NAALADL2: variants seen among roughly 807,000 people sequenced by gnomAD.
The protein encoded by NAALADL2 is N-acetylated alpha-linked acidic dipeptidase like 2, also known as inactive N-acetylated-alpha-linked acidic dipeptidase-like protein 2.
In NAALADL2, 76 loss-of-function variants were observed where a neutral mutation model predicts 87.2. That is an observed-to-expected ratio of 0.87 (90% CI 0.72 to 1.05). The LOEUF (loss-of-function observed/expected upper bound fraction) is 1.05. NAALADL2 is among the 50% of genes least tolerant of loss of function. The pLI, the probability that NAALADL2 is intolerant of heterozygous loss-of-function variation, is 0.00. For missense variants in NAALADL2, 1,089 were observed against 945.8 expected (o/e 1.15, Z -1.99); for synonymous variants, 354 against 331.0 (o/e 1.07, Z -0.75).
intron 4 of NAALADL2, among the ~76,000 whole-genome samples, chr3:175,281,998 T>C (rs1467746942): frequency 6.6e-6 from 1 of 152,012 alleles, no homozygotes; most frequent in Admixed American, 6.6e-5. Context: ...TATTTGCATC[T>C]CTACATGATG....
chr3:174,588,186 G>A (rs535039044), intron 2 of NAALADL2, among the ~76,000 whole-genome samples: 15 of 152,048 alleles, frequency 9.9e-5, no homozygotes, highest in African/African-American at 3.4e-4. Context: ...TTATGCATGC[G>A]TCACGTAGTT....
chr3:175,422,983 A>T (rs1715969078), intron 5 of NAALADL2, among the ~76,000 whole-genome samples: 1 of 139,030 alleles, frequency 7.2e-6, no homozygotes. Context: ...TTCCTTGATG[A>T]TTGCATTTCA....
At chr3:174,775,073 T>C (rs1715041485) in intron 3 of NAALADL2, among the ~76,000 whole-genome samples, 2 of 151,968 alleles carry the variant, frequency 1.3e-5, no homozygotes, top group South Asian at 4.2e-4. Context: ...TTTAGAAAAA[T>C]AGGAAAGTAT....
chr3:175,123,218 A>G (rs1726409832), intron 2 of NAALADL2, among the ~76,000 whole-genome samples: 1 of 151,958 alleles, frequency 6.6e-6, no homozygotes, highest in Admixed American at 6.6e-5. Flanking sequence ...TCACTTGGAA[A>G]AGTCCTTAAA....
At chr3:174,752,819 T>A (rs1342075285) in intron 3 of NAALADL2, among the ~76,000 whole-genome samples, 1 of 152,178 alleles carries the variant, frequency 6.6e-6, no homozygotes. Context: ...AGTCACATAT[T>A]TCATACAAAA....
chr3:174,868,099 C>T (rs149353581), intron 1 of NAALADL2, among the ~76,000 whole-genome samples: 30 of 152,074 alleles, frequency 2.0e-4, no homozygotes, highest in South Asian at 2.1e-4. Context: ...CTAGGTGTGA[C>T]GGATGGCTGT....
In NAALADL2 at chr3:175,306,669, TACAAACAA is replaced by T. The variant is rs371615180; in HGVS notation, c.940-17492_940-17485del. 3.8e-3 allele frequency among the ~76,000 whole-genome samples: 575 copies of T among 152,140 alleles called. 5 individuals carry two copies. Among genetic ancestry groups the T allele is most frequent in the African/African-American group, 0.012 (515 of 41,520 alleles). On this transcript the variant is annotated intron_variant, in intron 4 of 13. Transcript: ENST00000454872. The stretch of plus-strand genomic sequence containing the variant: ...GGTGAAACCCCATCTTTGCTTAAAA[TACAAACAA>T]ACAAACAAACAAATAAAAATTAGCC...
chr3:175,543,410 AC>A (rs1408107213), intron 9 of NAALADL2, among the ~76,000 whole-genome samples: 1 of 152,156 alleles, frequency 6.6e-6, no homozygotes, highest in African/African-American at 2.4e-5. Flanking sequence ...GGTGTTAAAG[AC>A]AATGTACCAG....
chr3:175,327,298 G>A (rs1760854080), intron 5 of NAALADL2, among the ~76,000 whole-genome samples: 2 of 152,134 alleles, frequency 1.3e-5, no homozygotes, highest in South Asian at 4.2e-4. Flanking sequence ...TGGGACTACA[G>A]GCGCCTGCCA....
At chr3:174,826,047 A>AACAACG (rs879304576) in intron 3 of NAALADL2, among the ~76,000 whole-genome samples, 1 of 148,982 alleles carries the variant, frequency 6.7e-6, no homozygotes, top group African/African-American at 2.6e-5. Flanking sequence ...CAACAACAAC[A>AACAACG]ACAACGACAA....
At chr3:174,850,148 G>A (rs2109470394) in intron 3 of NAALADL2, among the ~76,000 whole-genome samples, 1 of 152,138 alleles carries the variant, frequency 6.6e-6, no homozygotes, top group South Asian at 2.1e-4. Flanking sequence ...CATGTTCGAA[G>A]GATAATTGTG....
intron 5 of NAALADL2, among the ~76,000 whole-genome samples, chr3:175,367,347 T>C (rs1463159872): frequency 2.8e-5 from 4 of 140,664 alleles, no homozygotes; most frequent in Non-Finnish European, 4.6e-5. Context: ...ATGCGGGCTC[T>C]TTTTTGCTTC....
chr3:174,835,033 T>A (rs1160884984), intron 3 of NAALADL2, among the ~76,000 whole-genome samples: 1 of 151,576 alleles, frequency 6.6e-6, no homozygotes. Context: ...AACTTACACT[T>A]TCTAATTTTA....
At chr3:174,756,695 G>A (rs1712127935) in intron 3 of NAALADL2, among the ~76,000 whole-genome samples, 1 of 152,192 alleles carries the variant, frequency 6.6e-6, no homozygotes, top group African/African-American at 2.4e-5. Flanking sequence ...GGTCAGAGAA[G>A]TAGGTGAATT....
At chr3:175,408,682 C>T (rs1264226573) in intron 5 of NAALADL2, among the ~76,000 whole-genome samples, 2 of 151,924 alleles carry the variant, frequency 1.3e-5, no homozygotes, top group Non-Finnish European at 2.9e-5. Flanking sequence ...ATAGATTGGT[C>T]TTGTTTATTT....
chr3:175,282,443 G>A (rs1341676097), intron 4 of NAALADL2, among the ~76,000 whole-genome samples: 1 of 152,050 alleles, frequency 6.6e-6, no homozygotes, highest in African/African-American at 2.4e-5. Context: ...TAAAACCACA[G>A]TAACAGCCTT....
chr3:175,003,517 G>T (rs1748532639), intron 1 of NAALADL2, among the ~76,000 whole-genome samples: 1 of 152,202 alleles, frequency 6.6e-6, no homozygotes. Context: ...TAAAGATGCA[G>T]TTGTATAATA....
intron 9 of NAALADL2, among the ~76,000 whole-genome samples, chr3:175,522,920 C>T (rs1582241177): frequency 6.6e-6 from 1 of 152,106 alleles, no homozygotes; most frequent in African/African-American, 2.4e-5. Flanking sequence ...GGTTCAATTG[C>T]AAGAAATAAA....
chr3:174,603,884 T>C (rs1718708568), intron 2 of NAALADL2, among the ~76,000 whole-genome samples: 1 of 152,278 alleles, frequency 6.6e-6, no homozygotes, highest in Admixed American at 6.5e-5. Context: ...AAATTCCTTT[T>C]GTTATTCATT....
Sources: allele counts gnomAD v4.1 joint callset (sites outside exome capture counted in the v4.1 genomes callset), GRCh38; gene constraint gnomAD v4.1.1; transcripts MANE v1.5; gene names NCBI Gene and HGNC (gene_info 2026-07-23, HGNC 2026-07-21).